The following MSLN variants were observed in gnomAD, a reference collection of about 807,000 sequenced individuals.
MSLN encodes CAK1 antigen.
In MSLN, 82 loss-of-function variants were observed where a neutral mutation model predicts 72.6. The observed-to-expected ratio is 1.13, with a 90% CI of 0.94 to 1.36. The LOEUF is 1.36. Among genes scored for constraint, MSLN ranks in the 40% most tolerant of loss-of-function variants. The probability of loss-of-function intolerance (pLI) is 0.00; values close to 1 mark genes in which losing one functional copy is unlikely to be tolerated. For synonymous variants in MSLN, 456 were observed against 387.3 expected, an observed-to-expected ratio of 1.18 and a Z score of -2.08; for missense variants, 1,005 against 847.9, an observed-to-expected ratio of 1.19 and a Z score of -2.30.
chr16:768,427 G>A lies in MSLN; in HGVS notation c.1645G>A (p.Gly549Ser), dbSNP rs1286385293. 8 of 1,517,430 alleles carry A rather than the reference G, an allele frequency of 5.3e-6. No homozygotes were observed. The highest frequency in any genetic ancestry group is 6.2e-6 in the Non-Finnish European group (7 of 1,130,942). The allele number at this position is 1,517,430 out of a possible 1,614,324, so 94.0% of individuals were successfully genotyped here. A position where few individuals can be genotyped will look rare whatever the true frequency, so the allele number is the denominator to read the frequency against. ...GAAACTTCTGGGACCCCACGTGGAG[G>A]GCCTGAAGGCGGAGGAGCGGCACCG... ...VQKLLGPHVEGLKAEERHRPV... is the reference protein window; with the variant it reads ...VQKLLGPHVESLKAEERHRPV... Residue 549 changes from glycine (G) to serine (S), a missense_variant, in exon 17 of 18, where the codon GGC (glycine) becomes AGC (serine). By Grantham distance (56) the Gly-to-Ser change is moderately conservative (BLOSUM62 0). Coordinates refer to ENST00000545450, the MANE Select transcript of MSLN (RefSeq NM_005823.6).
intron 4 of MSLN, 76 bp from the exon 5 acceptor site, chr16:763,566 C>T: frequency 7.0e-7 from 1 of 1,436,750 alleles, no homozygotes; most frequent in Non-Finnish European, 9.5e-7. Context: ...GTACCTGGCC[C>T]AGGGGTAGCG....
Position 763,660 on chromosome 16 carries a change from G to A in MSLN, c.148G>A (p.Gly50Arg), listed in dbSNP as rs966765258. Reference protein sequence around the residue: ...ETGQEAAPLDGVLANPPNISS... With the variant: ...ETGQEAAPLDRVLANPPNISS... ...TCCCCAGGAGGCTGCGCCCCTGGACGGAGTCCTGGCCAACCCACCTAACAT... is the reference window on the plus strand; with the variant it reads ...TCCCCAGGAGGCTGCGCCCCTGGACAGAGTCCTGGCCAACCCACCTAACAT... Residue 50 changes from glycine (G) to arginine (R), a missense_variant, in exon 5 of 18, where the codon GGA becomes AGA. By Grantham distance (125) the Gly-to-Arg change is moderately radical (BLOSUM62 -2). Transcript: ENST00000545450. 7 of 1,586,574 alleles carry A rather than the reference G, an allele frequency of 4.4e-6. No individual in the cohort carries two copies. Among genetic ancestry groups the A allele is most frequent in the South Asian group, 1.1e-5 (1 of 89,646 alleles).
chr16:768,511 G>GGGCTAC lies in MSLN; in HGVS notation c.1730_1735dup (p.Leu578_Gln579insArgLeu), dbSNP rs2151619576. The GGGCTAC allele has an allele frequency of 6.3e-7, 1 of 1,595,944 alleles. No homozygotes were observed. Among genetic ancestry groups the GGGCTAC allele is most frequent in the East Asian group, 2.2e-5 (1 of 44,550 alleles). ...GGACGACCTGGACACGCTGGGGCTGGGGCTACAGGGCGGCATCCCCAACGG... is the reference window on the plus strand; with the variant it reads ...GGACGACCTGGACACGCTGGGGCTGGGGCTACGGCTACAGGGCGGCATCCCCAACGG... On this transcript the variant is annotated inframe_insertion, in exon 17 of 18. Transcript: ENST00000545450.
At position 766,692 on chromosome 16, in the gene MSLN, G is replaced by C; in HGVS notation, c.1255G>C (p.Val419Leu). Reference protein sequence around the residue: ...PQVATLIDRFVKGRGQLDKDT... With the variant: ...PQVATLIDRFLKGRGQLDKDT... Reference sequence around the variant, plus strand: ...GGTGGCCACCCTGATCGACCGCTTTGTGAAGGGAAGGGGCCAGCTAGACAA... The same window carrying C: ...GGTGGCCACCCTGATCGACCGCTTTCTGAAGGGAAGGGGCCAGCTAGACAA... Residue 419 changes from valine to leucine, a missense_variant, in exon 14 of 18, where the codon GTG becomes CTG. Val to Leu is a conservative substitution (Grantham distance 32). Coordinates refer to ENST00000545450, the MANE Select transcript of MSLN (RefSeq NM_005823.6). The C allele has an allele frequency of 6.2e-7, 1 of 1,612,600 alleles. No homozygotes were observed. The highest frequency in any genetic ancestry group is 8.5e-7 in the Non-Finnish European group (1 of 1,179,882).
intron 9 of MSLN, 73 bp from the exon 10 acceptor site, chr16:765,454 G>A: frequency 1.4e-6 from 2 of 1,463,244 alleles, no homozygotes; most frequent in Non-Finnish European, 1.8e-6. Context: ...ACAGCCAGGG[G>A]GTACGGCCTG....
Position 762,726 on chromosome 16 carries a change from C to G in MSLN, c.46C>G (p.Pro16Ala). 1 of 1,605,536 alleles carries G rather than the reference C, an allele frequency of 6.2e-7. No individual in the cohort carries two copies. The highest frequency in any genetic ancestry group is 8.5e-7 in the Non-Finnish European group (1 of 1,177,012). Reference sequence around the variant, plus strand: ...ACCCCTGTTGGGGTCCTGTGGGACCCCCGCCCTCGGCAGCCTCCTGTTCCT... The same window carrying G: ...ACCCCTGTTGGGGTCCTGTGGGACCGCCGCCCTCGGCAGCCTCCTGTTCCT... Reference protein sequence around the residue: ...ARPLLGSCGTPALGSLLFLLF... With the variant: ...ARPLLGSCGTAALGSLLFLLF... Residue 16 changes from proline (P) to alanine (A), a missense_variant, in exon 3 of 18, where the codon CCC (proline) becomes GCC (alanine). Pro to Ala is a conservative substitution (Grantham distance 27, BLOSUM62 -1). Coordinates refer to ENST00000545450, the MANE Select transcript of MSLN (RefSeq NM_005823.6).
intron 3 of MSLN, 23 bp from the exon 4 acceptor site, chr16:763,210 A>C: frequency 1.3e-6 from 2 of 1,515,200 alleles, no homozygotes; most frequent in Non-Finnish European, 1.8e-6. Context: ...CCCTCCCCCA[A>C]GCTGTCCCCT....
Position 766,112 on chromosome 16 carries a change from T to G in MSLN, c.949T>G (p.Phe317Val), listed in dbSNP as rs780797235. Residue 317 changes from phenylalanine (F) to valine (V), a missense_variant, in exon 12 of 18, where the codon TTC becomes GTC. Physicochemically the swap from Phe to Val is conservative, Grantham distance 50 (BLOSUM62 -1). Coordinates refer to ENST00000545450, the MANE Select transcript of MSLN (RefSeq NM_005823.6). ...KAREIDESLIFYKKWELEACV... is the reference protein window; with the variant it reads ...KAREIDESLIVYKKWELEACV... ...CCGCGAGATAGACGAGAGCCTCATC[T>G]TCTACAAGAAGTGGGAGCTGGAAGC... The G allele has an allele frequency of 1.2e-6, 2 of 1,612,728 alleles. No homozygotes were observed. The highest frequency in any genetic ancestry group is 1.7e-6 in the Non-Finnish European group (2 of 1,179,896).
At chr16:767,522 GCGA>G in intron 16 of MSLN, 52 bp downstream of exon 16, 1 of 1,292,034 alleles carries the variant, frequency 7.7e-7, no homozygotes, top group Non-Finnish European at 1.0e-6. Context: ...TGGAGGAGGG[GCGA>G]GTGGGAGGAG....
chr16:763,899 G>T, intron 5 of MSLN, 124 bp from the exon 6 acceptor site: 1 of 1,326,274 alleles, frequency 7.5e-7, no homozygotes, highest in Admixed American at 2.2e-5. Context: ...CTGGTCTTGG[G>T]GGGAGGTCTG....
chr16:763,766 C>CT, intron 5 of MSLN, 75 bp downstream of exon 5: 3 of 1,279,326 alleles, frequency 2.3e-6, no homozygotes, highest in Non-Finnish European at 3.2e-6. Context: ...GCAGGGCACC[C>CT]CATCCCCCAG....
intron 6 of MSLN, 57 bp downstream of exon 6, chr16:764,200 G>A (rs917940604): frequency 5.5e-5 from 86 of 1,568,322 alleles, no homozygotes; most frequent in Non-Finnish European, 7.2e-5. Context: ...GAATTCACAG[G>A]CAGCTCTGCA....
intron 16 of MSLN, 90 bp from the exon 17 acceptor site, chr16:768,289 G>T (rs1320480826): frequency 2.2e-5 from 29 of 1,341,018 alleles, no homozygotes; most frequent in Non-Finnish European, 2.7e-5. Context: ...TCTGTGGGTG[G>T]GGCAGTTTGG....
Position 768,712 on chromosome 16 carries a change from C to T in MSLN, c.1848C>T (p.Leu616=). The T allele has an allele frequency of 6.2e-7, 1 of 1,610,980 alleles. No homozygotes were observed. Among genetic ancestry groups the T allele is most frequent in the Non-Finnish European group, 8.5e-7 (1 of 1,179,538 alleles). The change falls in exon 18 of 18, where the codon CTC becomes CTT. Residue 616 remains leucine (L), a synonymous_variant. Coordinates refer to ENST00000545450, the MANE Select transcript of MSLN (RefSeq NM_005823.6). ...PGPVLTVLAL[L]LASTLA The stretch of plus-strand genomic sequence containing the variant: ...CTGTTCTCACCGTCCTGGCACTGCT[C>T]CTAGCCTCCACCCTGGCCTGAGGGC...
At chr16:764,176 C>T (rs766799682) in intron 6 of MSLN, 33 bp downstream of exon 6, 5 of 1,589,284 alleles carry the variant, frequency 3.1e-6, no homozygotes, top group Non-Finnish European at 2.6e-6. Flanking sequence ...CAGGTGGGCA[C>T]AGCTGGGGCT....
chr16:766,259 C>T lies in MSLN; in HGVS notation c.1074+22C>T, dbSNP rs755624254. 13 of 1,608,076 alleles carry T rather than the reference C, an allele frequency of 8.1e-6. No homozygotes were observed. The South Asian group carries it at 1.4e-4, about 18-fold the overall frequency. ...TGAGGTAGTTCATGACTCAAGTTCC[C>T]ACCGGCCTGCTGTGTCCAAGCCATC... On this transcript the variant is annotated intron_variant, in intron 12 of 17. Transcript: ENST00000545450.
intron 6 of MSLN, 48 bp from the exon 7 acceptor site, chr16:764,599 G>GT (rs2041578856): frequency 6.6e-7 from 1 of 1,519,170 alleles, no homozygotes; most frequent in Admixed American, 1.7e-5. Flanking sequence ...GGCCCACCAT[G>GT]TGAGTGGCGG....
rs777757086 is a variant in MSLN at position 765,705 on chromosome 16, G to A, written c.810G>A (p.Ala270=). The A allele has an allele frequency of 2.9e-5, 47 of 1,600,846 alleles. No individual in the cohort carries two copies. Among genetic ancestry groups the A allele is most frequent in the South Asian group, 7.7e-5 (7 of 91,062 alleles). The part of the protein sequence containing the change: ...IRSIPQGIVA[A]WRQRSSRDPS... ...CTCGTCCTCAGGGCATCGTGGCCGC[G>A]TGGCGGCAACGCTCCTCTCGGGACC... The change falls in exon 11 of 18, where the codon GCG becomes GCA. Residue 270 remains alanine (A), a synonymous_variant. Coordinates refer to ENST00000545450, the MANE Select transcript of MSLN (RefSeq NM_005823.6).
At chr16:765,459 G>A (rs1218483151) in intron 9 of MSLN, 68 bp from the exon 10 acceptor site, 12 of 1,482,178 alleles carry the variant, frequency 8.1e-6, no homozygotes, top group African/African-American at 1.4e-5. Context: ...CAGGGGGTAC[G>A]GCCTGGCCTC....
Sources: allele counts gnomAD v4.1 joint callset, GRCh38; gene constraint gnomAD v4.1.1; transcripts MANE v1.5; gene names NCBI Gene and HGNC (gene_info 2026-07-23, HGNC 2026-07-21).